The following ITPR2 variants were observed in gnomAD, a reference collection of about 807,000 sequenced individuals.
The protein encoded by ITPR2 is inositol 1,4,5-trisphosphate-gated calcium channel ITPR2.
Under a neutral mutation model 317.1 loss-of-function variants are expected in ITPR2, and 207 were observed. The ratio of observed to expected loss-of-function variants is 0.65; its 90% CI spans 0.58 to 0.73. The LOEUF (loss-of-function observed/expected upper bound fraction) is 0.73, where lower values mean the gene tolerates loss of function less well. Among genes scored for constraint, ITPR2 ranks in the 30% least tolerant of loss-of-function variants. The pLI, the probability that ITPR2 is intolerant of heterozygous loss-of-function variation, is 0.00. For synonymous variants in ITPR2, 1,156 were observed against 1,149.1 expected (o/e 1.01, Z -0.12); for missense variants, 2,613 against 3,284.0 (o/e 0.80, Z 4.99).
chr12:26,775,728 T>C (rs749213511), intron 2 of ITPR2, among the ~76,000 whole-genome samples: 2 of 151,848 alleles, frequency 1.3e-5, no homozygotes, highest in Non-Finnish European at 2.9e-5. Flanking sequence ...ATAAAGCAAG[T>C]AGAAAAACTT....
intron 37 of ITPR2, among the ~76,000 whole-genome samples, chr12:26,511,178 C>T (rs1050220158): frequency 1.3e-5 from 2 of 152,198 alleles, no homozygotes; most frequent in South Asian, 2.1e-4. Context: ...TAAAAGAGTG[C>T]TCCACAAGTA....
intron 10 of ITPR2, among the ~76,000 whole-genome samples, chr12:26,691,992 G>C (rs1021181058): frequency 6.6e-6 from 1 of 151,994 alleles, no homozygotes; most frequent in African/African-American, 2.4e-5. Flanking sequence ...ATTTCTGATA[G>C]AACCTTTGTT....
chr12:26,361,897 C>A (rs1938841434), intron 55 of ITPR2, among the ~76,000 whole-genome samples: 1 of 152,154 alleles, frequency 6.6e-6, no homozygotes, highest in Non-Finnish European at 1.5e-5. Context: ...ATTGCACAGT[C>A]AAATTTTGTA....
At chr12:26,391,567 T>A (rs1169139201) in intron 54 of ITPR2, among the ~76,000 whole-genome samples, 6 of 130,868 alleles carry the variant, frequency 4.6e-5, no homozygotes, top group Admixed American at 4.4e-4. Context: ...TTTTTTTTTT[T>A]TTTTTTTTTT....
At chr12:26,644,355 G>A (rs544408709) in intron 21 of ITPR2, among the ~76,000 whole-genome samples, 145 of 152,288 alleles carry the variant, frequency 9.5e-4, no homozygotes, top group Admixed American at 4.6e-4. Flanking sequence ...GCCCTGGTGA[G>A]CTGTGGGGCC....
intron 37 of ITPR2, among the ~76,000 whole-genome samples, chr12:26,516,556 C>T (rs562133497): frequency 1.4e-3 from 217 of 152,084 alleles, no homozygotes; most frequent in Non-Finnish European, 2.5e-3. Context: ...GTGAGAGATG[C>T]AAGAGCAAAG....
intron 49 of ITPR2, among the ~76,000 whole-genome samples, chr12:26,427,659 T>C (rs1941100776): frequency 6.6e-6 from 1 of 152,120 alleles, no homozygotes; most frequent in Non-Finnish European, 1.5e-5. Context: ...TAAAATTGGA[T>C]TGGATTAAAT....
rs1223532770 is a variant in ITPR2 at position 26,735,003 on chromosome 12, T to TC, written c.164-9239_164-9238insG. 6.0e-5 allele frequency among the ~76,000 whole-genome samples: 9 copies of TC among 148,884 alleles called. 1 individual carries two copies. The East Asian group carries it at 1.8e-3, about 29-fold the overall frequency. ...GTAATTGTGCAAGCCAGTCTTTTTTTTTTTTTTTTTTTTTGAGATGGAGTT... is the reference window on the plus strand; with the variant it reads ...GTAATTGTGCAAGCCAGTCTTTTTTTCTTTTTTTTTTTTTTGAGATGGAGTT... On this transcript the variant is annotated intron_variant, in intron 2 of 56. Transcript: ENST00000381340.
In ITPR2 at chr12:26,538,559, A is replaced by AT. The variant is rs887029803; in HGVS notation, c.5073+11687dup. Reference sequence around the variant, plus strand: ...TGCTCTGCCATTTACAAAGCCTGTGATTTTTTTTTCTTTTTTTCTTTTTTT... The same window carrying AT: ...TGCTCTGCCATTTACAAAGCCTGTGATTTTTTTTTTCTTTTTTTCTTTTTTT... On this transcript the variant is annotated intron_variant, in intron 37 of 56. Transcript: ENST00000381340. Among the ~76,000 whole-genome samples the AT allele has an allele frequency of 2.1e-4, 32 of 150,988 alleles. No homozygotes were observed. In the East Asian group the frequency reaches 4.8e-3, roughly 23 times the overall value.
chr12:26,350,874 T>C (rs1401235974), intron 55 of ITPR2, among the ~76,000 whole-genome samples: 52 of 152,204 alleles, frequency 3.4e-4, no homozygotes, highest in Admixed American at 3.4e-3. Flanking sequence ...ACCATAAGCC[T>C]TAGCTGTCTA....
intron 52 of ITPR2, among the ~76,000 whole-genome samples, chr12:26,405,726 T>C (rs1490394995): frequency 6.6e-6 from 1 of 152,114 alleles, no homozygotes; most frequent in Non-Finnish European, 1.5e-5. Flanking sequence ...GAACACCTCT[T>C]GTGGGTGGAA....
intron 44 of ITPR2, among the ~76,000 whole-genome samples, 157 bp from the exon 45 acceptor site, chr12:26,475,575 C>G (rs1373227347): frequency 6.6e-6 from 1 of 152,154 alleles, no homozygotes; most frequent in East Asian, 1.9e-4. Flanking sequence ...TTTCAATGAA[C>G]ATGGAAGTAT....
At chr12:26,567,775 A>C (rs1478711350) in intron 34 of ITPR2, among the ~76,000 whole-genome samples, 1 of 151,580 alleles carries the variant, frequency 6.6e-6, no homozygotes, top group Admixed American at 6.6e-5. Flanking sequence ...TTGTTTAAAA[A>C]TTAAAGCAGA....
At chr12:26,747,160 AT>A (rs1949338544) in intron 2 of ITPR2, among the ~76,000 whole-genome samples, 2 of 152,254 alleles carry the variant, frequency 1.3e-5, no homozygotes, top group East Asian at 3.9e-4. Context: ...CACGTTTAAA[AT>A]TTCAAAGAAA....
At chr12:26,544,581 C>A (rs1355169226) in intron 37 of ITPR2, among the ~76,000 whole-genome samples, 1 of 117,600 alleles carries the variant, frequency 8.5e-6, no homozygotes, top group African/African-American at 2.6e-5. Flanking sequence ...CACACACACA[C>A]AGACAAACAC....
chr12:26,417,181 C>T (rs1391701509), intron 50 of ITPR2, among the ~76,000 whole-genome samples: 3 of 151,872 alleles, frequency 2.0e-5, no homozygotes, highest in Non-Finnish European at 4.4e-5. Context: ...ATCATGTATA[C>T]CACAATTTTC....
chr12:26,631,831 C>T (rs779157201), intron 22 of ITPR2, 35 bp downstream of exon 22: 1 of 1,590,014 alleles, frequency 6.3e-7, no homozygotes, highest in South Asian at 1.1e-5. Context: ...AGCAAAATTA[C>T]ATCTTTGTCA....
In ITPR2 at chr12:26,351,179, A is replaced by T. The variant is rs139256227; in HGVS notation, c.7858-10851T>A. On this transcript the variant is annotated intron_variant, in intron 55 of 56. Transcript: ENST00000381340. ...GCTCTGGGGACGGGCACTGGTCCCA[A>T]TGCTGACCCAACATGAGGGTGAGAA... Among the ~76,000 whole-genome samples the T allele has an allele frequency of 2.6e-5, 4 of 152,336 alleles. No individual in the cohort carries two copies. In the East Asian group the frequency reaches 7.7e-4, roughly 29 times the overall value.
intron 1 of ITPR2, among the ~76,000 whole-genome samples, chr12:26,804,373 T>A (rs1277665810): frequency 6.6e-6 from 1 of 152,178 alleles, no homozygotes. Context: ...AAGGGACTAA[T>A]TGTGGCTAGA....
Sources: allele counts gnomAD v4.1 joint callset (sites outside exome capture counted in the v4.1 genomes callset), GRCh38; gene constraint gnomAD v4.1.1; transcripts MANE v1.5; gene names NCBI Gene and HGNC (gene_info 2026-07-23, HGNC 2026-07-21).